The following LRFN2 variants were observed in gnomAD, a reference collection of about 807,000 sequenced individuals.
LRFN2 encodes leucine-rich repeat and fibronectin type-III domain-containing protein 2.
Under a neutral mutation model 37.3 loss-of-function variants are expected in LRFN2, and 18 were observed. The observed-to-expected ratio is 0.48, with a 90% confidence interval of 0.33 to 0.72. LRFN2 has a LOEUF of 0.72. Ranked by LOEUF, LRFN2 falls within the 30% of genes least tolerant of loss-of-function variation. LRFN2 has a pLI of 0.02. For synonymous variants in LRFN2, 556 were observed against 466.6 expected (o/e 1.19, Z -2.47); for missense variants, 1,006 against 1,060.7 (o/e 0.95, Z 0.72).
chr6:40,419,911 G>A (rs1581690930), intron 2 of LRFN2, among the ~76,000 whole-genome samples: 1 of 152,246 alleles, frequency 6.6e-6, no homozygotes, highest in East Asian at 1.9e-4. Context: ...AACCTTTTGC[G>A]GGGCTAATTG....
chr6:40,490,128 C>A (rs1256921636), intron 1 of LRFN2, among the ~76,000 whole-genome samples: 3 of 152,208 alleles, frequency 2.0e-5, no homozygotes, highest in African/African-American at 4.8e-5. Flanking sequence ...AGAAGTCAGA[C>A]CCCGTGGAAG....
At position 40,392,137 on chromosome 6, in the gene LRFN2, T is replaced by A; in HGVS notation, c.2176A>T (p.Met726Leu). 6.2e-7 allele frequency: 1 copy of A among 1,611,722 alleles called. No homozygotes were observed. The highest frequency in any genetic ancestry group is 8.5e-7 in the Non-Finnish European group (1 of 1,178,938). Residue 726 changes from methionine to leucine, a missense_variant, in exon 3 of 3, where the codon ATG becomes TTG. Coordinates refer to ENST00000338305, the MANE Select transcript of LRFN2 (RefSeq NM_020737.3). The surrounding 1 kb of genome is among the most constrained non-coding windows in gnomAD (Gnocchi z 4.7). ...GKAKRSHSFD[M>L]GDFAAAAAGG... ...GCCGCCGCAGCAGCAAAGTCCCCCATGTCGAAGGAGTGGCTGCGTTTGGCC... is the reference window on the plus strand; with the variant it reads ...GCCGCCGCAGCAGCAAAGTCCCCCAAGTCGAAGGAGTGGCTGCGTTTGGCC...
chr6:40,509,483 A>G (rs1765635297), intron 1 of LRFN2, among the ~76,000 whole-genome samples: 1 of 152,250 alleles, frequency 6.6e-6, no homozygotes, highest in African/African-American at 2.4e-5. Flanking sequence ...ATGAAATGGC[A>G]CAGAAAAGAG....
intron 1 of LRFN2, among the ~76,000 whole-genome samples, chr6:40,497,348 C>G (rs914288949): frequency 1.3e-5 from 2 of 152,136 alleles, no homozygotes; most frequent in Non-Finnish European, 2.9e-5. Flanking sequence ...CTGTTGCCCT[C>G]ATAAATTCCT....
intron 1 of LRFN2, among the ~76,000 whole-genome samples, chr6:40,586,118 C>T (rs1440287090): frequency 6.6e-6 from 1 of 152,168 alleles, no homozygotes; most frequent in Non-Finnish European, 1.5e-5. Context: ...CTGTCTCTGT[C>T]CTTTGTACCG....
intron 1 of LRFN2, among the ~76,000 whole-genome samples, chr6:40,439,906 T>C (rs933843221): frequency 6.6e-6 from 1 of 151,528 alleles, no homozygotes; most frequent in African/African-American, 2.4e-5. Context: ...AATTTGAAGG[T>C]AGGGGGAAAA....
At position 40,396,330 on chromosome 6, in the gene LRFN2, G is replaced by A. The variant is rs56764330; in HGVS notation, c.1401-3418C>T. On this transcript the variant is annotated intron_variant, in intron 2 of 2. Coordinates refer to ENST00000338305, the MANE Select transcript of LRFN2 (RefSeq NM_020737.3). ...CAGGCAGTTTGGCTCCAGGGCCTCC[G>A]CACCTGACCCCTGGGTCATGCTGCC... Among the ~76,000 whole-genome samples the A allele has an allele frequency of 4.6e-5, 7 of 152,270 alleles. No individual in the cohort carries two copies. In the East Asian group the frequency reaches 1.2e-3, roughly 25 times the overall value.
chr6:40,471,567 C>T (rs924626699), intron 1 of LRFN2, among the ~76,000 whole-genome samples: 1 of 152,160 alleles, frequency 6.6e-6, no homozygotes, highest in Non-Finnish European at 1.5e-5. Flanking sequence ...AGGAGTGGAG[C>T]TACCTGGGGT....
At chr6:40,521,868 A>C (rs911738761) in intron 1 of LRFN2, among the ~76,000 whole-genome samples, 3 of 152,342 alleles carry the variant, frequency 2.0e-5, no homozygotes, top group Non-Finnish European at 2.9e-5. Context: ...CCCTTCCCAA[A>C]CATGGCCGCT....
chr6:40,550,264 AG>A (rs535993254), intron 1 of LRFN2, among the ~76,000 whole-genome samples: 11 of 152,152 alleles, frequency 7.2e-5, no homozygotes, highest in African/African-American at 2.7e-4. Context: ...CTCTGTTGCT[AG>A]GAGACAATGC....
chr6:40,431,204 A>C (rs1420079381), intron 2 of LRFN2, among the ~76,000 whole-genome samples: 2 of 152,208 alleles, frequency 1.3e-5, no homozygotes, highest in Non-Finnish European at 2.9e-5. Flanking sequence ...CTTATCTTAC[A>C]GATGAGAAAA....
intron 1 of LRFN2, among the ~76,000 whole-genome samples, chr6:40,475,996 A>T (rs1410021160): frequency 6.6e-6 from 1 of 152,172 alleles, no homozygotes; most frequent in African/African-American, 2.4e-5. Context: ...ATATATTAAA[A>T]GCTATATGTT....
At chr6:40,558,090 G>A (rs1766924683) in intron 1 of LRFN2, among the ~76,000 whole-genome samples, 1 of 152,194 alleles carries the variant, frequency 6.6e-6, no homozygotes, top group Non-Finnish European at 1.5e-5. Context: ...GTGAAGGAGT[G>A]GAGAAGAGGA....
At chr6:40,502,911 A>G (rs139993504) in intron 1 of LRFN2, among the ~76,000 whole-genome samples, 125 of 152,378 alleles carry the variant, frequency 8.2e-4, no homozygotes, top group Non-Finnish European at 1.4e-3. Flanking sequence ...TTGTCATAGA[A>G]CCACAAAGGA....
At chr6:40,559,457 G>C (rs937960440) in intron 1 of LRFN2, among the ~76,000 whole-genome samples, 1 of 152,172 alleles carries the variant, frequency 6.6e-6, no homozygotes, top group Non-Finnish European at 1.5e-5. Flanking sequence ...GTTCAGCTGG[G>C]GTGGTCCCAG....
At position 40,566,783 on chromosome 6, in the gene LRFN2, T is replaced by G. The variant is rs1428065232; in HGVS notation, c.-19+20158A>C. Among the ~76,000 whole-genome samples, 3 of 151,880 alleles carry G rather than the reference T, an allele frequency of 2.0e-5. No individual in the cohort carries two copies. In the East Asian group the frequency reaches 5.8e-4, roughly 29 times the overall value. Reference sequence around the variant, plus strand: ...TAGCATTAGGAGATATACCTAATGCTAAATGACGAGTTAATGGGTGCAGCA... The same window carrying G: ...TAGCATTAGGAGATATACCTAATGCGAAATGACGAGTTAATGGGTGCAGCA... On this transcript the variant is annotated intron_variant, in intron 1 of 2. Coordinates refer to ENST00000338305, the MANE Select transcript of LRFN2 (RefSeq NM_020737.3).
At chr6:40,489,253 A>C (rs1054522597) in intron 1 of LRFN2, among the ~76,000 whole-genome samples, 10 of 152,236 alleles carry the variant, frequency 6.6e-5, no homozygotes, top group Non-Finnish European at 1.0e-4. Flanking sequence ...CACGAACAAC[A>C]GAACAATAGA....
chr6:40,486,056 G>T (rs1764951786), intron 1 of LRFN2, among the ~76,000 whole-genome samples: 1 of 152,190 alleles, frequency 6.6e-6, no homozygotes, highest in South Asian at 2.1e-4. Flanking sequence ...GCGGGGCGAG[G>T]GTGCTGAAAG....
chr6:40,480,164 C>T (rs901007053), intron 1 of LRFN2, among the ~76,000 whole-genome samples: 1 of 152,198 alleles, frequency 6.6e-6, no homozygotes, highest in African/African-American at 2.4e-5. Flanking sequence ...ATCCCTGTTT[C>T]TCAGATGAGG....
Sources: gnomAD v4.1 joint callset for allele counts (sites outside exome capture counted in the v4.1 genomes callset) on GRCh38, gnomAD v4.1.1 for gene constraint, Gnocchi (gnomAD v3.1) non-coding constraint, MANE v1.5 for transcripts, NCBI Gene and HGNC (gene_info 2026-07-23, HGNC 2026-07-21) for gene names.